Variants in CTTNBP2 observed in about 807,000 individuals in gnomAD.
CTTNBP2 encodes cortactin binding protein 2.
A neutral mutation model predicts 156.9 loss-of-function variants in CTTNBP2; 108 were observed. The ratio of observed to expected loss-of-function variants is 0.69; its 90% CI spans 0.59 to 0.81. The LOEUF (loss-of-function observed/expected upper bound fraction) is 0.81. Among genes scored for constraint, CTTNBP2 ranks in the 30% least tolerant of loss-of-function variants. The pLI, the probability that CTTNBP2 is intolerant of heterozygous loss-of-function variation, is 0.00. For missense variants in CTTNBP2, 1,924 were observed against 2,035.4 expected, an observed-to-expected ratio of 0.95 and a Z score of 1.05; for synonymous variants, 767 against 751.8, an observed-to-expected ratio of 1.02 and a Z score of -0.33.
chr7:117,840,495 C>A (rs1336719251), intron 2 of CTTNBP2, among the ~76,000 whole-genome samples: 1 of 152,112 alleles, frequency 6.6e-6, no homozygotes. Flanking sequence ...CCACTGCACT[C>A]CAGCCTGGGT....
chr7:117,717,920 T>TA (rs1302674220), intron 22 of CTTNBP2, 98 bp downstream of exon 22: 5 of 773,086 alleles, frequency 6.5e-6, no homozygotes, highest in South Asian at 1.7e-5. Context: ...AGCTTTGGTT[T>TA]AAAAAAATAA....
In CTTNBP2 at chr7:117,864,681, TATATATTCATATATATTC is replaced by T. The variant is rs1200096921; in HGVS notation, c.82-3383_82-3366del. Among the ~76,000 whole-genome samples the T allele has an allele frequency of 1.6e-3, 172 of 108,926 alleles. 3 individuals carry two copies. The highest frequency in any genetic ancestry group is 4.9e-3 in the African/African-American group (157 of 32,282). 71.5% of individuals were successfully genotyped at this position (108,926 alleles called of 152,430 possible). A position where few individuals can be genotyped will look rare whatever the true frequency, so the allele number is the denominator to read the frequency against. On this transcript the variant is annotated intron_variant, in intron 1 of 22. Coordinates refer to ENST00000160373, the MANE Select transcript of CTTNBP2 (RefSeq NM_033427.3). The stretch of plus-strand genomic sequence containing the variant: ...GTATGAATATATATTCATATATTTA[TATATATTCATATATATTC>T]ATATATTCATATATATTCATATATA...
intron 22 of CTTNBP2, among the ~76,000 whole-genome samples, chr7:117,716,617 G>A (rs1794394046): frequency 6.6e-6 from 1 of 152,266 alleles, no homozygotes; most frequent in East Asian, 1.9e-4. Context: ...CACCTTCTTA[G>A]GTCATCCTCC....
At chr7:117,806,437 A>G (rs1214510085) in intron 3 of CTTNBP2, among the ~76,000 whole-genome samples, 3 of 152,222 alleles carry the variant, frequency 2.0e-5, no homozygotes, top group African/African-American at 7.2e-5. Flanking sequence ...ACGACATTTA[A>G]CCATACTCTT....
intron 2 of CTTNBP2, among the ~76,000 whole-genome samples, chr7:117,857,411 A>T (rs1365823384): frequency 6.6e-6 from 1 of 152,172 alleles, no homozygotes; most frequent in African/African-American, 2.4e-5. Context: ...CCCCATCCAA[A>T]ATTATATTTA....
intron 12 of CTTNBP2, among the ~76,000 whole-genome samples, chr7:117,752,830 T>C (rs1012532037): frequency 1.1e-4 from 17 of 152,210 alleles, no homozygotes; most frequent in African/African-American, 4.1e-4. Context: ...TTTATTTACC[T>C]GTAAAATCTA....
chr7:117,766,912 C>A, intron 9 of CTTNBP2, 147 bp downstream of exon 9: 1 of 558,968 alleles, frequency 1.8e-6, no homozygotes. Flanking sequence ...AGTTAATTAT[C>A]ACACTTACAG....
chr7:117,758,218 G>A (rs1159661945), intron 10 of CTTNBP2: 1 of 471,356 alleles, frequency 2.1e-6, no homozygotes, highest in African/African-American at 2.0e-5. Flanking sequence ...GATTCAGGGA[G>A]AGATCTAGAA....
Position 117,792,471 on chromosome 7 carries a change from C to T in CTTNBP2, c.725G>A (p.Arg242His), listed in dbSNP as rs200145071. ...SEFDTEREQL[R>H]AKLNREEAHT... is the part of the protein sequence containing the mutation. ...TGCTTCTTCCCGGTTCAGCTTGGCA[C>T]GAAGCTGTTCCCGCTCAGTGTCAAA... Residue 242 changes from arginine to histidine, a missense_variant, in exon 4 of 23, where the codon CGT (arginine) becomes CAT (histidine). Arg to His is a conservative substitution (Grantham distance 29). Coordinates refer to ENST00000160373, the MANE Select transcript of CTTNBP2 (RefSeq NM_033427.3). This position sits in a 1 kb window ranked among gnomAD's most constrained non-coding sequence, Gnocchi z 4.2. The T allele has an allele frequency of 3.0e-5, 49 of 1,614,052 alleles. No homozygotes were observed. In the East Asian group the frequency reaches 9.6e-4, roughly 32 times the overall value.
At chr7:117,719,269 T>G (rs1236799071) in intron 21 of CTTNBP2, among the ~76,000 whole-genome samples, 1 of 152,220 alleles carries the variant, frequency 6.6e-6, no homozygotes, top group African/African-American at 2.4e-5. Flanking sequence ...TAACATACAA[T>G]TTTAACTTCA....
intron 3 of CTTNBP2, among the ~76,000 whole-genome samples, chr7:117,794,545 C>A (rs761085192): frequency 6.6e-6 from 1 of 152,200 alleles, no homozygotes; most frequent in Non-Finnish European, 1.5e-5. Flanking sequence ...TAAGTCCTGA[C>A]GATGTTCCTG....
intron 2 of CTTNBP2, among the ~76,000 whole-genome samples, chr7:117,823,041 T>C (rs1333948342): frequency 1.3e-5 from 2 of 152,256 alleles, no homozygotes; most frequent in Non-Finnish European, 2.9e-5. Context: ...GTCTTTGTGA[T>C]AAATTGTCCC....
chr7:117,755,048 T>C (rs1028339722), intron 12 of CTTNBP2, among the ~76,000 whole-genome samples: 3 of 152,204 alleles, frequency 2.0e-5, no homozygotes, highest in African/African-American at 7.2e-5. Context: ...GAGGCTAACA[T>C]TCCTGAAAAC....
chr7:117,734,961 G>A lies in CTTNBP2; in HGVS notation c.3828C>T (p.Pro1276=). 1.2e-6 allele frequency: 2 copies of A among 1,613,162 alleles called. No individual in the cohort carries two copies. The highest frequency in any genetic ancestry group is 1.7e-6 in the Non-Finnish European group (2 of 1,179,252). Residue 1276 remains proline, a synonymous_variant, in exon 16 of 23, where the codon CCC becomes CCT. Transcript: ENST00000160373. ...AGAACCTCTGCAGCAGTCCTTGCAT[G>A]GGCTCGCCATCCCACCGCAGCTGCA... ...RWVQLRWDGE[P]MQGLLQRFLR... is the part of the protein sequence containing the mutation.
At chr7:117,751,457 C>T (rs1226039547) in intron 12 of CTTNBP2, among the ~76,000 whole-genome samples, 3 of 152,212 alleles carry the variant, frequency 2.0e-5, no homozygotes, top group Non-Finnish European at 2.9e-5. Context: ...TCATTCCACC[C>T]ATATCTGACA....
At chr7:117,865,632 G>A (rs10953855) in intron 1 of CTTNBP2, among the ~76,000 whole-genome samples, 12,163 of 140,662 alleles carry the variant, frequency 0.086, 639 homozygotes, top group South Asian at 0.28. Context: ...AGCAGAGATC[G>A]TGCCACTCCA....
chr7:117,758,362 A>G (rs992154561), intron 10 of CTTNBP2, among the ~76,000 whole-genome samples: 12 of 152,122 alleles, frequency 7.9e-5, no homozygotes, highest in African/African-American at 2.7e-4. Context: ...ATATGAGATC[A>G]TTTATGATCT....
intron 2 of CTTNBP2, among the ~76,000 whole-genome samples, chr7:117,858,122 G>A (rs768182510): frequency 2.0e-5 from 3 of 152,240 alleles, no homozygotes; most frequent in Non-Finnish European, 1.5e-5. Context: ...TGTAATCCCA[G>A]CACTTTGGAA....
intron 7 of CTTNBP2, 119 bp from the exon 8 acceptor site, chr7:117,777,884 G>A (rs942749997): frequency 4.2e-6 from 4 of 948,978 alleles, no homozygotes; most frequent in African/African-American, 1.6e-5. Flanking sequence ...GGAAAAGCAG[G>A]CATTCCAATC....
Sources: gnomAD v4.1 joint callset for allele counts (sites outside exome capture counted in the v4.1 genomes callset) on GRCh38, gnomAD v4.1.1 for gene constraint, Gnocchi (gnomAD v3.1) non-coding constraint, MANE v1.5 for transcripts, NCBI Gene and HGNC (gene_info 2026-07-23, HGNC 2026-07-21) for gene names.